Variants in PPP2R3A observed in about 807,000 individuals in gnomAD.
The protein encoded by PPP2R3A is protein phosphatase 2 regulatory subunit B''alpha, also known as serine/threonine-protein phosphatase 2A regulatory subunit B'' subunit alpha.
In PPP2R3A, 80 loss-of-function variants were observed where a neutral mutation model predicts 106.9. The observed-to-expected ratio is 0.75, with a 90% CI of 0.62 to 0.90. PPP2R3A has a LOEUF of 0.90. PPP2R3A is among the 40% of genes least tolerant of loss of function. PPP2R3A has a pLI of 0.00. For synonymous variants in PPP2R3A, 483 were observed against 468.3 expected (o/e 1.03, Z -0.41); for missense variants, 1,386 against 1,350.4 (o/e 1.03, Z -0.41).
chr3:136,106,113 T>A, intron 12 of PPP2R3A, 103 bp from the exon 13 acceptor site: 1 of 938,020 alleles, frequency 1.1e-6, no homozygotes, highest in Non-Finnish European at 1.6e-6. Context: ...GAAACATTTT[T>A]CAGGTAGGAT....
chr3:135,989,873 A>G (rs1933081093), intron 1 of PPP2R3A, among the ~76,000 whole-genome samples: 1 of 152,172 alleles, frequency 6.6e-6, no homozygotes. Flanking sequence ...ACTTTTGTTT[A>G]AAAAGTTATA....
At chr3:136,077,092 T>G (rs1423842953) in intron 6 of PPP2R3A, among the ~76,000 whole-genome samples, 4 of 151,956 alleles carry the variant, frequency 2.6e-5, no homozygotes, top group Non-Finnish European at 5.9e-5. Flanking sequence ...GAGGCTCAGG[T>G]GGCAGTGGGA....
In PPP2R3A at chr3:136,147,077, C is replaced by CT. The variant is rs1016686226; in HGVS notation, c.*1913dup. The CT allele has an allele frequency of 2.1e-4, 32 of 152,090 alleles. No homozygotes were observed. Among genetic ancestry groups the CT allele is most frequent in the African/African-American group, 7.0e-4 (29 of 41,502 alleles). 9.4% of individuals were successfully genotyped at this position (152,090 alleles called of 1,614,324 possible). On this transcript the variant is annotated 3_prime_UTR_variant, in exon 14 of 14. Transcript: ENST00000264977. ...CACTTTGATCTGGTTTTTGAAGTCT[C>CT]TTAATTATTGGCTGGGCATGGTGAC... is the stretch of plus-strand genomic sequence containing the variant.
At chr3:136,135,731 T>C (rs1284204423) in intron 13 of PPP2R3A, among the ~76,000 whole-genome samples, 1 of 152,134 alleles carries the variant, frequency 6.6e-6, no homozygotes, top group Non-Finnish European at 1.5e-5. Flanking sequence ...TAGTAGCTAT[T>C]ACTACTCCAT....
At chr3:136,022,916 G>C in intron 2 of PPP2R3A, 2 of 1,446,532 alleles carry the variant, frequency 1.4e-6, no homozygotes, top group East Asian at 2.6e-5. Flanking sequence ...ATTGTGGTCT[G>C]TGGAGGCTGG....
chr3:136,033,486 G>A (rs1934977959), intron 3 of PPP2R3A, among the ~76,000 whole-genome samples: 1 of 152,128 alleles, frequency 6.6e-6, no homozygotes, highest in African/African-American at 2.4e-5. Context: ...TGAATGTCTG[G>A]TAGAATTCGG....
At chr3:135,976,642 A>G (rs949610260) in intron 1 of PPP2R3A, among the ~76,000 whole-genome samples, 1 of 152,182 alleles carries the variant, frequency 6.6e-6, no homozygotes, top group Non-Finnish European at 1.5e-5. Flanking sequence ...ATTTCCTCCA[A>G]TCTGTTGGAG....
chr3:136,084,580 C>T (rs575501012), intron 8 of PPP2R3A, among the ~76,000 whole-genome samples: 1 of 152,168 alleles, frequency 6.6e-6, no homozygotes, highest in African/African-American at 2.4e-5. Context: ...CCACAATGCT[C>T]CAGGCCCCAG....
At chr3:136,059,069 G>A (rs1436641855) in intron 5 of PPP2R3A, among the ~76,000 whole-genome samples, 1 of 152,030 alleles carries the variant, frequency 6.6e-6, no homozygotes, top group East Asian at 1.9e-4. Flanking sequence ...CATTCAGGAC[G>A]TAGGCACAGG....
chr3:136,001,597 A>C lies in PPP2R3A; in HGVS notation c.99A>C (p.Gly33=). 6.2e-7 allele frequency: 1 copy of C among 1,614,180 alleles called. No individual in the cohort carries two copies. The highest frequency in any genetic ancestry group is 8.5e-7 in the Non-Finnish European group (1 of 1,180,022). Residue 33 remains glycine, a synonymous_variant, in exon 2 of 14, where the codon GGA becomes GGC. Transcript: ENST00000264977. ...AACAAGCTATACATTATTGCACTGG[A>C]ACCTGCCACACCTTCACACATGGAA... ...RFEQAIHYCT[G]TCHTFTHGID...
intron 2 of PPP2R3A, among the ~76,000 whole-genome samples, chr3:136,020,068 G>C (rs949583495): frequency 6.6e-6 from 1 of 151,990 alleles, no homozygotes; most frequent in African/African-American, 2.4e-5. Context: ...AAAGTGTCTG[G>C]CATATAAGTG....
intron 13 of PPP2R3A, among the ~76,000 whole-genome samples, chr3:136,116,086 T>C (rs950334176): frequency 2.0e-5 from 3 of 152,172 alleles, no homozygotes; most frequent in Non-Finnish European, 2.9e-5. Context: ...AAGTGGGGAC[T>C]GATATTCAAC....
intron 5 of PPP2R3A, among the ~76,000 whole-genome samples, chr3:136,051,593 G>A (rs1051111081): frequency 6.6e-6 from 1 of 152,284 alleles, no homozygotes; most frequent in Non-Finnish European, 1.5e-5. Flanking sequence ...GCCTCCCAAA[G>A]TGCTGGGATT....
intron 13 of PPP2R3A, among the ~76,000 whole-genome samples, chr3:136,128,136 AT>A (rs1938255179): frequency 6.6e-6 from 1 of 152,274 alleles, no homozygotes; most frequent in Admixed American, 6.5e-5. Flanking sequence ...GAACATCATA[AT>A]GACAGGATCA....
intron 5 of PPP2R3A, among the ~76,000 whole-genome samples, chr3:136,063,665 A>C (rs1936158805): frequency 6.6e-6 from 1 of 152,150 alleles, no homozygotes; most frequent in South Asian, 2.1e-4. Flanking sequence ...CACATGAAAA[A>C]ATGCTCATCA....
intron 1 of PPP2R3A, among the ~76,000 whole-genome samples, chr3:135,997,979 T>C (rs1933468319): frequency 6.6e-6 from 1 of 152,234 alleles, no homozygotes; most frequent in Non-Finnish European, 1.5e-5. Flanking sequence ...TCTTACTCTC[T>C]AGCCTAAAAG....
At chr3:136,143,908 G>C (rs1938987067) in intron 13 of PPP2R3A, among the ~76,000 whole-genome samples, 1 of 152,130 alleles carries the variant, frequency 6.6e-6, no homozygotes, top group South Asian at 2.1e-4. Context: ...TTTGATGAAG[G>C]GACTGTATGT....
At chr3:136,113,284 G>A (rs1937624533) in intron 13 of PPP2R3A, among the ~76,000 whole-genome samples, 1 of 152,138 alleles carries the variant, frequency 6.6e-6, no homozygotes, top group South Asian at 2.1e-4. Context: ...AGACTGCGTG[G>A]AACAAGATTA....
intron 2 of PPP2R3A, among the ~76,000 whole-genome samples, chr3:136,013,200 A>G (rs997021518): frequency 7.2e-4 from 108 of 150,108 alleles, no homozygotes; most frequent in Middle Eastern, 3.4e-3. Context: ...GTATGTATGT[A>G]TGTATGTATG....
Sources: gnomAD v4.1 joint callset for allele counts (sites outside exome capture counted in the v4.1 genomes callset) on GRCh38, gnomAD v4.1.1 for gene constraint, MANE v1.5 for transcripts, NCBI Gene and HGNC (gene_info 2026-07-23, HGNC 2026-07-21) for gene names.